MAST2: variants seen among roughly 807,000 people sequenced by gnomAD.
The protein encoded by MAST2 is microtubule-associated serine/threonine-protein kinase 2.
Under a neutral mutation model 147.4 loss-of-function variants are expected in MAST2, and 70 were observed. The ratio of observed to expected loss-of-function variants is 0.47; its 90% confidence interval spans 0.39 to 0.58. MAST2 has a LOEUF of 0.58. Among genes scored for constraint, MAST2 ranks in the 20% least tolerant of loss-of-function variants. The probability of loss-of-function intolerance (pLI) is 0.00; values close to 1 mark genes in which losing one functional copy is unlikely to be tolerated. For missense variants in MAST2, 2,080 were observed against 2,302.3 expected, an observed-to-expected ratio of 0.90 and a Z score of 1.98; for synonymous variants, 869 against 896.8, an observed-to-expected ratio of 0.97 and a Z score of 0.55.
chr1:45,947,329 A>C (rs939567687), intron 4 of MAST2, among the ~76,000 whole-genome samples: 7 of 149,036 alleles, frequency 4.7e-5, no homozygotes, highest in Admixed American at 1.3e-4. Context: ...AAAAAAAAAA[A>C]AACCCAAACA....
Position 46,010,844 on chromosome 1 carries a change from A to G in MAST2, c.1093A>G (p.Met365Val), listed in dbSNP as rs1330792689. The G allele has an allele frequency of 1.4e-5, 23 of 1,614,130 alleles. No individual in the cohort carries two copies. The East Asian group carries it at 1.6e-4, about 11-fold the overall frequency. The change falls in exon 10 of 29, where the codon ATG becomes GTG. Residue 365 changes from methionine to valine, a missense_variant. Physicochemically the swap from Met to Val is conservative, Grantham distance 21. Coordinates refer to ENST00000361297, the MANE Select transcript of MAST2 (RefSeq NM_015112.3). ...LSFIHHQVIE[M>V]ARDCLDKSRS... ...CTTTATTCATCATCAGGTGATTGAGATGGCCCGAGACTGCCTGGATAAATC... is the reference window on the plus strand; with the variant it reads ...CTTTATTCATCATCAGGTGATTGAGGTGGCCCGAGACTGCCTGGATAAATC...
intron 3 of MAST2, among the ~76,000 whole-genome samples, chr1:45,881,663 C>G (rs1646850790): frequency 6.6e-6 from 1 of 151,990 alleles, no homozygotes; most frequent in Non-Finnish European, 1.5e-5. Flanking sequence ...CTAGTTATCA[C>G]CCACTGCCCC....
At chr1:46,012,602 G>A (rs1421554645) in intron 10 of MAST2, among the ~76,000 whole-genome samples, 1 of 152,136 alleles carries the variant, frequency 6.6e-6, no homozygotes, top group Non-Finnish European at 1.5e-5. Context: ...GAGATAAGTA[G>A]GTTCTGAGCA....
At chr1:45,966,939 T>C (rs1223802755) in intron 5 of MAST2, among the ~76,000 whole-genome samples, 2 of 142,376 alleles carry the variant, frequency 1.4e-5, no homozygotes, top group Non-Finnish European at 3.0e-5. Context: ...CAGTCACAGC[T>C]CAATACAGCC....
At chr1:45,968,935 A>G (rs573523159) in intron 5 of MAST2, among the ~76,000 whole-genome samples, 1 of 148,042 alleles carries the variant, frequency 6.8e-6, no homozygotes, top group South Asian at 2.1e-4. Flanking sequence ...TTCTGTTATC[A>G]TATCCTCAAG....
intron 3 of MAST2, among the ~76,000 whole-genome samples, chr1:45,873,202 T>TC (rs1646469502): frequency 6.8e-6 from 1 of 147,614 alleles, no homozygotes; most frequent in African/African-American, 2.5e-5. Context: ...TTTTTTTTTT[T>TC]CTCTTTTTTG....
chr1:45,889,866 G>A (rs919610240), intron 4 of MAST2, among the ~76,000 whole-genome samples: 11 of 151,700 alleles, frequency 7.3e-5, no homozygotes, highest in African/African-American at 2.7e-4. Flanking sequence ...CAATTCTCCT[G>A]CCTCAGCCTC....
At chr1:45,816,307 T>C (rs1349798407) in intron 1 of MAST2, among the ~76,000 whole-genome samples, 1 of 151,856 alleles carries the variant, frequency 6.6e-6, no homozygotes, top group African/African-American at 2.4e-5. Context: ...CAAGCCCAGA[T>C]CGCAAAGGCT....
At chr1:45,937,787 C>G (rs1198316095) in intron 4 of MAST2, among the ~76,000 whole-genome samples, 1 of 143,564 alleles carries the variant, frequency 7.0e-6, no homozygotes, top group Non-Finnish European at 1.5e-5. Context: ...AAAAAATTAC[C>G]CATTGTAAGC....
chr1:45,803,663 T>G lies in MAST2; in HGVS notation c.-233T>G, dbSNP rs1644054012. 1.4e-5 allele frequency: 4 copies of G among 292,766 alleles called. No homozygotes were observed. Among genetic ancestry groups the G allele is most frequent in the East Asian group, 5.7e-5 (1 of 17,548 alleles). 18.1% of individuals were successfully genotyped at this position (292,766 alleles called of 1,614,324 possible). On this transcript the variant is annotated 5_prime_UTR_variant, in exon 1 of 29. Transcript: ENST00000361297. ...GGTGGCCTGCCCAACGTGTGCTGGG[T>G]GGGAGAAGGCGAGGCGTCAGCGATG...
chr1:45,976,047 T>C (rs553119977), intron 5 of MAST2, among the ~76,000 whole-genome samples: 24 of 151,888 alleles, frequency 1.6e-4, no homozygotes, highest in African/African-American at 5.6e-4. Context: ...CAATTTCGGC[T>C]CACCGCAACC....
intron 4 of MAST2, among the ~76,000 whole-genome samples, chr1:45,909,121 A>G (rs966190404): frequency 5.9e-5 from 9 of 152,142 alleles, no homozygotes; most frequent in African/African-American, 2.2e-4. Flanking sequence ...TAAAATTCTC[A>G]TTTATTTCTA....
chr1:45,937,631 A>G (rs568881474), intron 4 of MAST2, among the ~76,000 whole-genome samples: 2 of 151,780 alleles, frequency 1.3e-5, no homozygotes, highest in Non-Finnish European at 2.9e-5. Flanking sequence ...GCGTGCCTGT[A>G]ATCCCAGCTA....
At chr1:45,937,123 A>G (rs1656320898) in intron 4 of MAST2, among the ~76,000 whole-genome samples, 1 of 150,134 alleles carries the variant, frequency 6.7e-6, no homozygotes, top group Non-Finnish European at 1.5e-5. Flanking sequence ...CTTTCTAGAA[A>G]TGAGATCTCA....
rs1645685172 is a variant in MAST2 at position 46,010,867 on chromosome 1, A to G, written c.1116A>G (p.Lys372=). ...VIEMARDCLD[K]SRSGLITSQY... is the part of the protein sequence containing the mutation. Reference sequence around the variant, plus strand: ...AGATGGCCCGAGACTGCCTGGATAAATCTCGGAGTGGCCTCATTACATCAC... The same window carrying G: ...AGATGGCCCGAGACTGCCTGGATAAGTCTCGGAGTGGCCTCATTACATCAC... The change falls in exon 10 of 29, where the codon AAA becomes AAG. Residue 372 remains lysine (K), a synonymous_variant. Coordinates refer to ENST00000361297, the MANE Select transcript of MAST2 (RefSeq NM_015112.3). 1 of 1,614,200 alleles carries G rather than the reference A, an allele frequency of 6.2e-7. No homozygotes were observed. The highest frequency in any genetic ancestry group is 8.5e-7 in the Non-Finnish European group (1 of 1,180,024).
At position 46,023,072 on chromosome 1, in the gene MAST2, A is replaced by G; in HGVS notation, c.1485+101A>G. Reference sequence around the variant, plus strand: ...AGAATATCTGAGGAAGGGATGGGGGAGTTGGTGACAGCAAACACTGAGAAG... The same window carrying G: ...AGAATATCTGAGGAAGGGATGGGGGGGTTGGTGACAGCAAACACTGAGAAG... On this transcript the variant is annotated intron_variant, in intron 13 of 28. Transcript: ENST00000361297. The surrounding 1 kb of genome is among the most constrained non-coding windows in gnomAD (Gnocchi z 4.9). 7.9e-7 allele frequency: 1 copy of G among 1,258,076 alleles called. No homozygotes were observed. Among genetic ancestry groups the G allele is most frequent in the Middle Eastern group, 1.9e-4 (1 of 5,304 alleles). The allele number at this position is 1,258,076 out of a possible 1,614,324, so 77.9% of individuals were successfully genotyped here.
intron 5 of MAST2, among the ~76,000 whole-genome samples, chr1:45,983,797 A>G (rs10890380): frequency 0.33 from 50,395 of 152,084 alleles, 8,633 homozygotes; most frequent in African/African-American, 0.41. Flanking sequence ...AAATATGCCA[A>G]CTTTTTCTGT....
At chr1:45,906,324 C>T (rs1038477234) in intron 4 of MAST2, among the ~76,000 whole-genome samples, 2 of 151,772 alleles carry the variant, frequency 1.3e-5, no homozygotes, top group Admixed American at 1.3e-4. Context: ...TACACTTAGG[C>T]TAAAGTGTAT....
At chr1:45,997,637 G>A in intron 5 of MAST2, 87 bp from the exon 6 acceptor site, 1 of 911,098 alleles carries the variant, frequency 1.1e-6, no homozygotes, top group Non-Finnish European at 1.8e-6. Context: ...AATTGCCAGT[G>A]CTAGGGGAAT....
Sources: allele counts gnomAD v4.1 joint callset (sites outside exome capture counted in the v4.1 genomes callset), GRCh38; gene constraint gnomAD v4.1.1; non-coding constraint Gnocchi (gnomAD v3.1); transcripts MANE v1.5; gene names NCBI Gene and HGNC (gene_info 2026-07-23, HGNC 2026-07-21).